The following THAP3 variants were observed in gnomAD, a reference collection of about 807,000 sequenced individuals.
THAP3 encodes the protein THAP domain containing 3, also known as THAP domain-containing protein 3.
In THAP3, 12 loss-of-function variants were observed where a neutral mutation model predicts 17.7. That is an observed-to-expected ratio of 0.68 (90% CI 0.43 to 1.10). THAP3 has a LOEUF of 1.10. Among genes scored for constraint, THAP3 ranks in the 50% least tolerant of loss-of-function variants. THAP3 has a pLI of 0.00. For missense variants in THAP3, 289 were observed against 318.0 expected (o/e 0.91, Z 0.69); for synonymous variants, 133 against 126.9 (o/e 1.05, Z -0.32).
At chr1:6,634,066 C>G (rs1641704162), downstream of THAP3, 2 of 1,613,648 alleles carry the variant, frequency 1.2e-6, no homozygotes, top group African/African-American at 2.7e-5. Context: ...TCACGTGAAG[C>G]CTTGTGGTTG....
At chr1:6,627,258 T>C (rs2148715567) in intron 2 of THAP3, among the ~76,000 whole-genome samples, 1 of 152,278 alleles carries the variant, frequency 6.6e-6, no homozygotes, top group African/African-American at 2.4e-5. Flanking sequence ...GCTTATCGGT[T>C]CCGCAGGGTT....
downstream of THAP3, chr1:6,634,263 G>C (rs1641709090): frequency 1.2e-6 from 1 of 859,958 alleles, no homozygotes; most frequent in Non-Finnish European, 1.8e-6. Flanking sequence ...ACCTGCGGCA[G>C]AGGCGCACGG....
chr1:6,627,225 C>A (rs1641489986), intron 2 of THAP3, among the ~76,000 whole-genome samples: 1 of 152,128 alleles, frequency 6.6e-6, no homozygotes, highest in African/African-American at 2.4e-5. Flanking sequence ...CACACTTGCT[C>A]CCCAGGGGCC....
intron 5 of THAP3, 103 bp from the exon 6 acceptor site, chr1:6,632,693 A>G (rs746519617): frequency 3.4e-6 from 5 of 1,485,872 alleles, no homozygotes; most frequent in Middle Eastern, 1.8e-4. Context: ...CGGAGTGTCT[A>G]GCTGCCCTGG....
downstream of THAP3, chr1:6,633,959 A>G: frequency 1.4e-6 from 2 of 1,449,108 alleles, no homozygotes; most frequent in Non-Finnish European, 1.9e-6. Flanking sequence ...TTATAGCTTT[A>G]GTGAATTAAA....
At chr1:6,626,832 C>A (rs766507922) in intron 2 of THAP3, among the ~76,000 whole-genome samples, 5 of 152,184 alleles carry the variant, frequency 3.3e-5, no homozygotes, top group Admixed American at 6.5e-5. Flanking sequence ...GGCAACAGAG[C>A]GAGACTCCGT....
At position 6,630,353 on chromosome 1, in the gene THAP3, G is replaced by C. The variant is rs779225171; in HGVS notation, c.333G>C (p.Lys111Asn). ...RGNASSSQKE[K>N]VLPEAGAGED... ...ATGCCAGCTCTTCTCAGAAAGAAAAGGTGAGTGCACCGGGCCAGGTACTTG... is the reference window on the plus strand; with the variant it reads ...ATGCCAGCTCTTCTCAGAAAGAAAACGTGAGTGCACCGGGCCAGGTACTTG... Residue 111 changes from lysine (K) to asparagine (N), a missense_variant and splice_region_variant, in exon 4 of 6, where the codon AAG (lysine) becomes AAC (asparagine). Lys to Asn is a moderately conservative substitution (Grantham distance 94). Coordinates refer to ENST00000054650, the MANE Select transcript of THAP3 (RefSeq NM_001195753.2). The C allele has an allele frequency of 1.9e-6, 3 of 1,614,106 alleles. No individual in the cohort carries two copies. Among genetic ancestry groups the C allele is most frequent in the African/African-American group, 1.3e-5 (1 of 75,052 alleles).
intron 3 of THAP3, among the ~76,000 whole-genome samples, chr1:6,629,940 G>A (rs1641563460): frequency 6.6e-6 from 1 of 152,226 alleles, no homozygotes; most frequent in Admixed American, 6.5e-5. Context: ...TGCAGGTTCT[G>A]GGTCAGTGGC....
At chr1:6,629,875 G>A (rs1570244770) in intron 3 of THAP3, among the ~76,000 whole-genome samples, 1 of 152,264 alleles carries the variant, frequency 6.6e-6, no homozygotes, top group African/African-American at 2.4e-5. Flanking sequence ...GAGAAGCTGG[G>A]TACGGCCTCT....
rs542580606 is a variant in THAP3, at chr1:6,628,435, C to T, written c.75-64C>T. ...GTACTCTGTAGTGATGTGAAAATTC[C>T]GAATGACTCTGAGGCGCTGGGTCCA... On this transcript the variant is annotated intron_variant, in intron 2 of 5. Coordinates refer to ENST00000054650, the MANE Select transcript of THAP3 (RefSeq NM_001195753.2). The T allele has an allele frequency of 6.6e-5, 94 of 1,419,098 alleles. No individual in the cohort carries two copies. The African/African-American group carries it at 1.1e-3, about 16-fold the overall frequency. The allele number at this position is 1,419,098 out of a possible 1,614,324, so 87.9% of individuals were successfully genotyped here. A position where few individuals can be genotyped will look rare whatever the true frequency, so the allele number is the denominator to read the frequency against.
chr1:6,630,400 G>T (rs775189407), intron 4 of THAP3, 47 bp downstream of exon 4: 1 of 1,592,366 alleles, frequency 6.3e-7, no homozygotes, highest in Admixed American at 1.7e-5. Context: ...TATGCTGTGG[G>T]TTGAGACAGG....
At position 6,633,494 on chromosome 1, in the gene THAP3, G is replaced by C. The variant is rs956007512; in HGVS notation, c.*417G>C. The C allele has an allele frequency of 8.9e-7, 1 of 1,118,646 alleles. No homozygotes were observed. The highest frequency in any genetic ancestry group is 1.1e-6 in the Non-Finnish European group (1 of 910,180). The allele number at this position is 1,118,646 out of a possible 1,614,324, so 69.3% of individuals were successfully genotyped here. On this transcript the variant is annotated 3_prime_UTR_variant, in exon 6 of 6. Transcript: ENST00000054650. ...CCTCCATCAGCCTGGACAGCCGCTCGGGGTTCTAAGGAGTGACTCCTGTCC... is the reference window on the plus strand; with the variant it reads ...CCTCCATCAGCCTGGACAGCCGCTCCGGGTTCTAAGGAGTGACTCCTGTCC...
Position 6,633,055 on chromosome 1 carries a change from T to C in THAP3, c.698T>C (p.Leu233Pro). ...CKGHQGLQAR[L>P]GPEQQS ...GGGCACCAGGGACTCCAGGCCAGAC[T>C]TGGGCCAGAGCAGCAGAGCTGAGCC... The change falls in exon 6 of 6, where the codon CTT becomes CCT. Residue 233 changes from leucine (L) to proline (P), a missense_variant. Physicochemically the swap from Leu to Pro is moderately conservative, Grantham distance 98. Transcript: ENST00000054650. 1.2e-6 allele frequency: 2 copies of C among 1,605,968 alleles called. No homozygotes were observed. Among genetic ancestry groups the C allele is most frequent in the South Asian group, 2.2e-5 (2 of 90,294 alleles).
intron 3 of THAP3, among the ~76,000 whole-genome samples, chr1:6,628,939 C>T (rs558944928): frequency 4.1e-4 from 63 of 152,302 alleles, no homozygotes; most frequent in African/African-American, 1.4e-3. Context: ...CGGTGGCTCA[C>T]GTCTGTAATC....
At chr1:6,632,276 C>G (rs1314524828) in intron 4 of THAP3, 115 bp from the exon 5 acceptor site, 4 of 1,431,534 alleles carry the variant, frequency 2.8e-6, no homozygotes, top group Non-Finnish European at 3.8e-6. Context: ...TGGAGGGGCA[C>G]AGACCCTGGA....
At position 6,625,243 on chromosome 1, in the gene THAP3, C is replaced by T. The variant is rs758728231; in HGVS notation, c.25C>T (p.Gln9Ter). 1.3e-6 allele frequency: 2 copies of T among 1,545,826 alleles called. No homozygotes were observed. Among genetic ancestry groups the T allele is most frequent in the African/African-American group, 1.4e-5 (1 of 71,828 alleles). The change falls in exon 2 of 6, where the codon CAG becomes TAG. Residue 9 changes from glutamine to a stop codon, truncating the protein, a stop_gained. Transcript: ENST00000054650. LOFTEE classifies it high-confidence loss of function. MPKSCAAR[Q>*]CCNRYSSRRK... ...GATGCCGAAGTCGTGCGCGGCCCGG[C>T]AGTGCTGCAACCGCTACAGCAGCCG...
chr1:6,631,583 A>G (rs1257812251), intron 4 of THAP3, among the ~76,000 whole-genome samples: 2 of 152,126 alleles, frequency 1.3e-5, no homozygotes, highest in Non-Finnish European at 2.9e-5. Flanking sequence ...AGCCTGGCCA[A>G]CATGGTGAAA....
chr1:6,627,345 A>C (rs1465290475), intron 2 of THAP3, among the ~76,000 whole-genome samples: 5 of 152,184 alleles, frequency 3.3e-5, no homozygotes, highest in African/African-American at 9.7e-5. Context: ...AAGCACCTCA[A>C]ATTTAACTCC....
rs376054297 is a variant in THAP3 at position 6,632,873 on chromosome 1, C to T, written c.516C>T (p.Asn172=). 9 of 1,612,874 alleles carry T rather than the reference C, an allele frequency of 5.6e-6. No homozygotes were observed. Among genetic ancestry groups the T allele is most frequent in the Admixed American group, 1.7e-5 (1 of 60,016 alleles). Reference sequence around the variant, plus strand: ...CTGCAGGCCTGAGAAGGACCCCCAACAAGCAGCCATCTGATCACAGCTATG... The same window carrying T: ...CTGCAGGCCTGAGAAGGACCCCCAATAAGCAGCCATCTGATCACAGCTATG... The part of the protein sequence containing the change: ...TGPAGLRRTP[N]KQPSDHSYAL... The change falls in exon 6 of 6, where the codon AAC becomes AAT. Residue 172 remains asparagine, a synonymous_variant. Coordinates refer to ENST00000054650, the MANE Select transcript of THAP3 (RefSeq NM_001195753.2).
Sources: allele counts gnomAD v4.1 joint callset (sites outside exome capture counted in the v4.1 genomes callset), GRCh38; gene constraint gnomAD v4.1.1; transcripts MANE v1.5; gene names NCBI Gene and HGNC (gene_info 2026-07-23, HGNC 2026-07-21).